The following ATAD2B variants were observed in gnomAD, a reference collection of about 807,000 sequenced individuals.
ATAD2B encodes the protein ATPase family AAA domain-containing protein 2B.
ATAD2B carries 40 observed loss-of-function variants against 167.6 expected under a neutral mutation model. The ratio of observed to expected loss-of-function variants is 0.24; its 90% confidence interval spans 0.19 to 0.31. The LOEUF is 0.31. Among genes scored for constraint, ATAD2B ranks in the 10% least tolerant of loss-of-function variants. ATAD2B has a pLI of 1.00. For missense variants in ATAD2B, 1,242 were observed against 1,757.2 expected (o/e 0.71, Z 5.24); for synonymous variants, 579 against 596.5 (o/e 0.97, Z 0.43).
chr2:23,866,770 A>G (rs926063474), intron 10 of ATAD2B, among the ~76,000 whole-genome samples: 1 of 152,206 alleles, frequency 6.6e-6, no homozygotes, highest in East Asian at 1.9e-4. Context: ...ATGCAATTCT[A>G]TTTGATAACT....
intron 19 of ATAD2B, among the ~76,000 whole-genome samples, chr2:23,797,415 C>G (rs543064006): frequency 6.6e-6 from 1 of 152,016 alleles, no homozygotes; most frequent in Non-Finnish European, 1.5e-5. Flanking sequence ...TTGAAAAATA[C>G]GTGTATTAGT....
At chr2:23,873,643 G>T (rs1696345544) in intron 8 of ATAD2B, among the ~76,000 whole-genome samples, 1 of 151,958 alleles carries the variant, frequency 6.6e-6, no homozygotes, top group African/African-American at 2.4e-5. Flanking sequence ...GTATTGTTGG[G>T]GTTTTTTCTC....
chr2:23,847,321 T>C (rs1558649823), intron 13 of ATAD2B, among the ~76,000 whole-genome samples: 1 of 151,474 alleles, frequency 6.6e-6, no homozygotes, highest in Admixed American at 6.6e-5. Context: ...CTGACCAATA[T>C]GGTGAAACCC....
Position 23,895,940 on chromosome 2 carries a change from T to C in ATAD2B, c.247A>G (p.Ser83Gly), listed in dbSNP as rs1700093845. 5 of 1,613,144 alleles carry C rather than the reference T, an allele frequency of 3.1e-6. No individual in the cohort carries two copies. The highest frequency in any genetic ancestry group is 4.2e-6 in the Non-Finnish European group (5 of 1,179,310). Residue 83 changes from serine to glycine, a missense_variant, in exon 2 of 28, where the codon AGC becomes GGC. Transcript: ENST00000238789. Reference protein sequence around the residue: ...KVEVDGSLSDSHVSPPAKRTL... With the variant: ...KVEVDGSLSDGHVSPPAKRTL... ...CGTTTGGCTGGAGGAGATACGTGGCTATCACTTAAACTACCATCAACTTCA... is the reference window on the plus strand; with the variant it reads ...CGTTTGGCTGGAGGAGATACGTGGCCATCACTTAAACTACCATCAACTTCA...
At chr2:23,744,934 G>A (rs1236247524), downstream of ATAD2B, among the ~76,000 whole-genome samples, 1 of 151,964 alleles carries the variant, frequency 6.6e-6, no homozygotes, top group African/African-American at 2.4e-5. Flanking sequence ...TGGGTGGTAG[G>A]AACATGCATG....
intron 1 of ATAD2B, among the ~76,000 whole-genome samples, chr2:23,919,141 G>C (rs1241535224): frequency 6.6e-6 from 1 of 151,844 alleles, no homozygotes; most frequent in Non-Finnish European, 1.5e-5. Flanking sequence ...CCAGTAGTTC[G>C]AGACTAGCCT....
chr2:23,718,149 A>C, the ATAD2B span, among the ~76,000 whole-genome samples: 1 of 152,178 alleles, frequency 6.6e-6, no homozygotes, highest in Admixed American at 6.5e-5. Context: ...ATTTTTTTTT[A>C]GAAGTCAGTA....
intron 1 of ATAD2B, among the ~76,000 whole-genome samples, chr2:23,912,747 T>G (rs1336984367): frequency 1.3e-5 from 2 of 152,084 alleles, no homozygotes; most frequent in Non-Finnish European, 2.9e-5. Flanking sequence ...TCCCAGCACT[T>G]TGGGAGGCCG....
chr2:23,839,264 G>A (rs549916563), intron 13 of ATAD2B, among the ~76,000 whole-genome samples: 8 of 152,108 alleles, frequency 5.3e-5, no homozygotes, highest in Admixed American at 2.6e-4. Context: ...CACTGACTGC[G>A]ATCTATAGAA....
intron 21 of ATAD2B, among the ~76,000 whole-genome samples, chr2:23,783,328 A>T (rs560457858): frequency 8.6e-4 from 130 of 150,966 alleles, no homozygotes; most frequent in Admixed American, 1.2e-3. Flanking sequence ...CCGGGAAGAT[A>T]ATGTATGGGC....
intron 18 of ATAD2B, chr2:23,800,079 CTT>C (rs1473753287): frequency 1.9e-5 from 2 of 107,216 alleles, no homozygotes; most frequent in East Asian, 8.6e-4. Context: ...AACTGAGGCA[CTT>C]ATTTAAAAAA....
intron 19 of ATAD2B, 75 bp from the exon 20 acceptor site, chr2:23,788,722 T>G: frequency 1.2e-3 from 1,119 of 967,000 alleles, no homozygotes; most frequent in Non-Finnish European, 1.4e-3. Flanking sequence ...CAAATTGCAA[T>G]GTCTTCATCT....
chr2:23,822,535 A>G (rs539272397), intron 16 of ATAD2B, among the ~76,000 whole-genome samples: 17 of 151,376 alleles, frequency 1.1e-4, no homozygotes, highest in African/African-American at 4.1e-4. Context: ...ACAGAGTGAG[A>G]CTCTGTCTCA....
chr2:23,706,443 G>T, the ATAD2B span: 5 of 1,403,596 alleles, frequency 3.6e-6, no homozygotes, highest in Non-Finnish European at 3.7e-6. Context: ...CAAGTTGGAA[G>T]TGAAATGCCT....
chr2:23,693,031 G>A, the ATAD2B span, among the ~76,000 whole-genome samples: 1 of 152,134 alleles, frequency 6.6e-6, no homozygotes, highest in Non-Finnish European at 1.5e-5. Context: ...CTTCTGCCAG[G>A]ACCTGTGCGC....
chr2:23,906,051 G>T (rs1249704586), intron 1 of ATAD2B, among the ~76,000 whole-genome samples: 4 of 152,078 alleles, frequency 2.6e-5, no homozygotes, highest in Non-Finnish European at 4.4e-5. Context: ...AAAAGAGAAA[G>T]GTCGGCTGGG....
chr2:23,891,004 G>A (rs1699393866), intron 2 of ATAD2B, among the ~76,000 whole-genome samples: 1 of 150,244 alleles, frequency 6.7e-6, no homozygotes, highest in Non-Finnish European at 1.5e-5. Flanking sequence ...TATATTAAAA[G>A]ATTTAATATA....
intron 1 of ATAD2B, among the ~76,000 whole-genome samples, chr2:23,918,810 T>C (rs1218551059): frequency 6.6e-6 from 1 of 152,168 alleles, no homozygotes; most frequent in Non-Finnish European, 1.5e-5. Flanking sequence ...GATATACAAG[T>C]AGAGAAGACA....
rs769688206 is a variant in ATAD2B, at chr2:23,823,605, T to G, written c.1820-36A>C. 5.1e-6 allele frequency: 8 copies of G among 1,566,288 alleles called. No homozygotes were observed. In the Admixed American group the frequency reaches 1.4e-4, roughly 27 times the overall value. On this transcript the variant is annotated intron_variant, in intron 15 of 27. Coordinates refer to ENST00000238789, the MANE Select transcript of ATAD2B (RefSeq NM_017552.4). ...AAAGGAGAAGGATAGCAAAGGTACA[T>G]TCATTATTCCATGCACCAACTATGT...
Sources: gnomAD v4.1 joint callset for allele counts (sites outside exome capture counted in the v4.1 genomes callset) on GRCh38, gnomAD v4.1.1 for gene constraint, MANE v1.5 for transcripts, NCBI Gene and HGNC (gene_info 2026-07-23, HGNC 2026-07-21) for gene names.